Variants in DCLK1 observed in about 807,000 individuals in gnomAD.
The protein encoded by DCLK1 is doublecortin like kinase 1.
DCLK1 carries 16 observed loss-of-function variants against 86.2 expected under a neutral mutation model. The observed-to-expected ratio is 0.19, with a 90% confidence interval of 0.13 to 0.28. The LOEUF (loss-of-function observed/expected upper bound fraction) is 0.28. DCLK1 is among the 10% of genes least tolerant of loss of function. The probability of loss-of-function intolerance (pLI) is 1.00; values close to 1 mark genes in which losing one functional copy is unlikely to be tolerated. For synonymous variants in DCLK1, 369 were observed against 370.5 expected (o/e 1.00, Z 0.05); for missense variants, 590 against 940.2 (o/e 0.63, Z 4.87).
At chr13:36,106,370 A>C (rs1332168755) in intron 3 of DCLK1, among the ~76,000 whole-genome samples, 1 of 152,174 alleles carries the variant, frequency 6.6e-6, no homozygotes, top group Non-Finnish European at 1.5e-5. Flanking sequence ...ACGATTCTTA[A>C]ACTTCTTTTT....
chr13:35,808,351 A>T (rs1048610978), intron 13 of DCLK1, 31 bp from the exon 14 acceptor site: 4 of 1,576,756 alleles, frequency 2.5e-6, no homozygotes, highest in Non-Finnish European at 1.7e-6. Flanking sequence ...AAGGAAAAAC[A>T]GCACTAAGAT....
intron 16 of DCLK1, among the ~76,000 whole-genome samples, chr13:35,778,907 G>A (rs1227704624): frequency 6.6e-6 from 1 of 152,188 alleles, no homozygotes; most frequent in East Asian, 1.9e-4. Context: ...AGTCCAAACT[G>A]ATGTATCTCT....
At chr13:35,788,808 T>C (rs888018906) in intron 16 of DCLK1, among the ~76,000 whole-genome samples, 14 of 152,190 alleles carry the variant, frequency 9.2e-5, no homozygotes, top group Non-Finnish European at 1.9e-4. Context: ...CTCTTAAAGG[T>C]GAATCTTTTC....
At chr13:36,086,064 T>C (rs1884586925) in intron 3 of DCLK1, among the ~76,000 whole-genome samples, 1 of 152,226 alleles carries the variant, frequency 6.6e-6, no homozygotes. Context: ...TTATTATTAA[T>C]CTGCATGAGA....
chr13:35,876,470 ACCATCTTT>A (rs1341049606), intron 4 of DCLK1, among the ~76,000 whole-genome samples: 1 of 152,234 alleles, frequency 6.6e-6, no homozygotes, highest in Non-Finnish European at 1.5e-5. Context: ...AAAAACTCCA[ACCATCTTT>A]CCAAATAAAG....
At chr13:36,096,368 C>G (rs1461008045) in intron 3 of DCLK1, among the ~76,000 whole-genome samples, 1 of 152,188 alleles carries the variant, frequency 6.6e-6, no homozygotes, top group Non-Finnish European at 1.5e-5. Flanking sequence ...AATACACAAT[C>G]TTTTCTGGAA....
chr13:35,947,511 A>G, intron 3 of DCLK1, 54 bp from the exon 4 acceptor site: 1 of 1,436,668 alleles, frequency 7.0e-7, no homozygotes. Context: ...CAATTACAAC[A>G]ATGCAACCCC....
intron 3 of DCLK1, among the ~76,000 whole-genome samples, chr13:35,957,428 C>T (rs369606322): frequency 6.6e-6 from 1 of 152,238 alleles, no homozygotes; most frequent in South Asian, 2.1e-4. Context: ...TAGAAGGAGC[C>T]TGGGATGAGT....
rs192028678 is a variant in DCLK1, at chr13:36,060,462, T to C, written c.723+51407A>G. ...CGATTAATGGAGTCTTCTGTGAGTA[T>C]GCAAATAGATGTACAGATGTTTATC... On this transcript the variant is annotated intron_variant, in intron 3 of 16. Coordinates refer to ENST00000360631, the MANE Select transcript of DCLK1 (RefSeq NM_001330071.2). Among the ~76,000 whole-genome samples the C allele has an allele frequency of 2.6e-4, 39 of 152,302 alleles. No homozygotes were observed. The East Asian group carries it at 7.5e-3, about 29-fold the overall frequency.
At chr13:36,050,322 C>T (rs1883077926) in intron 3 of DCLK1, among the ~76,000 whole-genome samples, 2 of 152,008 alleles carry the variant, frequency 1.3e-5, no homozygotes, top group South Asian at 4.2e-4. Context: ...TTGAAGAAAG[C>T]CAACATGAGT....
chr13:35,858,164 A>C (rs916892905), intron 5 of DCLK1, among the ~76,000 whole-genome samples: 3 of 152,166 alleles, frequency 2.0e-5, no homozygotes, highest in Admixed American at 6.5e-5. Context: ...AGAGTGGGGC[A>C]CATTTAAGGG....
intron 6 of DCLK1, among the ~76,000 whole-genome samples, chr13:35,842,544 G>A (rs1453537119): frequency 6.6e-6 from 1 of 152,094 alleles, no homozygotes; most frequent in African/African-American, 2.4e-5. Context: ...GAAAGTGAAT[G>A]CAATATTCTG....
chr13:35,907,402 A>C (rs12385883), intron 4 of DCLK1, among the ~76,000 whole-genome samples: 6,603 of 152,098 alleles, frequency 0.043, 495 homozygotes, highest in African/African-American at 0.15. Flanking sequence ...GCCTCAAGTG[A>C]TCCTCTCACC....
intron 10 of DCLK1, among the ~76,000 whole-genome samples, chr13:35,825,773 A>G (rs1044759941): frequency 2.0e-5 from 3 of 152,158 alleles, no homozygotes; most frequent in African/African-American, 7.2e-5. Flanking sequence ...CAACGGGAAA[A>G]TCTTCATATT....
rs190071044 is a variant in DCLK1 at position 35,779,123 on chromosome 13, C to G, written c.2059-4424G>C. Reference sequence around the variant, plus strand: ...CGCCACCTCCCGGGTTCACAGGCACCCACCACCACACCTGGCTAATTTTTG... The same window carrying G: ...CGCCACCTCCCGGGTTCACAGGCACGCACCACCACACCTGGCTAATTTTTG... On this transcript the variant is annotated intron_variant, in intron 16 of 16. Transcript: ENST00000360631. Among the ~76,000 whole-genome samples the G allele has an allele frequency of 4.0e-3, 615 of 152,160 alleles. 3 individuals are homozygous for G. Among genetic ancestry groups the G allele is most frequent in the African/African-American group, 0.014 (591 of 41,512 alleles).
Position 35,809,620 on chromosome 13 carries a change from C to T in DCLK1, c.1689-525G>A, listed in dbSNP as rs533852503. Among the ~76,000 whole-genome samples, 3 of 152,248 alleles carry T rather than the reference C, an allele frequency of 2.0e-5. No homozygotes were observed. The South Asian group carries it at 6.2e-4, about 32-fold the overall frequency. On this transcript the variant is annotated intron_variant, in intron 12 of 16. Transcript: ENST00000360631. ...TTGCTTAAGATCACACAGTTAGTGT[C>T]AGAGCTGGTCCCCAATATGGTCTTC...
At position 36,007,266 on chromosome 13, in the gene DCLK1, G is replaced by C. The variant is rs1405148851; in HGVS notation, c.724-59809C>G. Among the ~76,000 whole-genome samples the C allele has an allele frequency of 3.3e-5, 5 of 152,286 alleles. No individual in the cohort carries two copies. The South Asian group carries it at 1.0e-3, about 32-fold the overall frequency. On this transcript the variant is annotated intron_variant, in intron 3 of 16. Transcript: ENST00000360631. ...AAAATCAAATCCATGAATACCAATA[G>C]TGCCTTCTTACTGATAAAGCTTAGT...
intron 3 of DCLK1, among the ~76,000 whole-genome samples, chr13:36,058,364 A>G (rs1883413006): frequency 6.6e-6 from 1 of 152,220 alleles, no homozygotes; most frequent in South Asian, 2.1e-4. Flanking sequence ...AGGAGCAAGA[A>G]TGAATTTTAG....
chr13:35,803,905 C>T (rs565339135), intron 15 of DCLK1, among the ~76,000 whole-genome samples: 54 of 152,188 alleles, frequency 3.5e-4, no homozygotes, highest in African/African-American at 1.2e-3. Flanking sequence ...TATATTCAAG[C>T]CTATATCTGT....
Sources: allele counts gnomAD v4.1 joint callset (sites outside exome capture counted in the v4.1 genomes callset), GRCh38; gene constraint gnomAD v4.1.1; transcripts MANE v1.5; gene names NCBI Gene and HGNC (gene_info 2026-07-23, HGNC 2026-07-21).